The following ANKS3 variants were observed in gnomAD, a reference collection of about 807,000 sequenced individuals.
ANKS3 encodes the protein ankyrin repeat and SAM domain-containing protein 3.
In ANKS3, 62 loss-of-function variants were observed where a neutral mutation model predicts 80.7. That is an observed-to-expected ratio of 0.77 (90% CI 0.63 to 0.95). The LOEUF is 0.95. ANKS3 is among the 40% of genes least tolerant of loss of function. The pLI, the probability that ANKS3 is intolerant of heterozygous loss-of-function variation, is 0.00. For synonymous variants in ANKS3, 489 were observed against 355.3 expected (o/e 1.38, Z -4.23); for missense variants, 1,150 against 883.6 (o/e 1.30, Z -3.82).
chr16:4,714,674 T>C (rs774743741), intron 6 of ANKS3, among the ~76,000 whole-genome samples: 2 of 152,118 alleles, frequency 1.3e-5, no homozygotes, highest in Non-Finnish European at 2.9e-5. Flanking sequence ...TAACCCTAAA[T>C]ACAGAAAAGG....
intron 6 of ANKS3, among the ~76,000 whole-genome samples, chr16:4,715,760 C>T (rs972832712): frequency 1.3e-5 from 2 of 150,558 alleles, no homozygotes; most frequent in African/African-American, 4.9e-5. Context: ...TCCAATTTTC[C>T]AATCTTCTAT....
chr16:4,698,778 C>T, intron 13 of ANKS3, 22 bp downstream of exon 13: 2 of 1,585,628 alleles, frequency 1.3e-6, no homozygotes, highest in Non-Finnish European at 1.7e-6. Flanking sequence ...CCTGCCCCCC[C>T]ATCCCCCACC....
Position 4,698,575 on chromosome 16 carries a change from G to C in ANKS3, c.1576C>G (p.Arg526Gly). 1 of 1,576,956 alleles carries C rather than the reference G, an allele frequency of 6.3e-7. No individual in the cohort carries two copies. Among genetic ancestry groups the C allele is most frequent in the Non-Finnish European group, 8.6e-7 (1 of 1,168,992 alleles). ...HKRCEEVEAT[R>G]GQVCQEQELR... ...TCCTGCTCCTGACACACCTGGCCCC[G>C]CGTGGCCTCTACCTCCTCGCAGCGC... Residue 526 changes from arginine (R) to glycine (G), a missense_variant, in exon 14 of 18, where the codon CGG (arginine) becomes GGG (glycine). Physicochemically the swap from Arg to Gly is moderately radical, Grantham distance 125. Coordinates refer to ENST00000304283, the MANE Select transcript of ANKS3 (RefSeq NM_133450.4).
At chr16:4,722,430 A>C (rs2081150943) in intron 6 of ANKS3, among the ~76,000 whole-genome samples, 1 of 151,852 alleles carries the variant, frequency 6.6e-6, no homozygotes, top group Admixed American at 6.6e-5. Flanking sequence ...AATACAAAAA[A>C]TTAGCCGGGA....
intron 3 of ANKS3, among the ~76,000 whole-genome samples, chr16:4,728,275 G>A (rs1287283128): frequency 6.6e-6 from 1 of 152,118 alleles, no homozygotes; most frequent in Non-Finnish European, 1.5e-5. Context: ...TCGATCTCCT[G>A]ACCTCGTGAT....
chr16:4,710,450 G>A (rs565411558), intron 7 of ANKS3, among the ~76,000 whole-genome samples: 1 of 152,278 alleles, frequency 6.6e-6, no homozygotes, highest in African/African-American at 2.4e-5. Flanking sequence ...GCTCATGCCT[G>A]TAGTCCCAGC....
At chr16:4,726,610 C>A (rs749066132) in intron 5 of ANKS3, 49 bp downstream of exon 5, 37 of 1,587,568 alleles carry the variant, frequency 2.3e-5, no homozygotes, top group Non-Finnish European at 1.9e-5. Context: ...TCCTTAGAGT[C>A]AGATGACACC....
At position 4,698,594 on chromosome 16, in the gene ANKS3, G is replaced by A. The variant is rs749191888; in HGVS notation, c.1557C>T (p.Cys519=). ...QELAIQLHKR[C]EEVEATRGQV... Reference sequence around the variant, plus strand: ...GGCCCCGCGTGGCCTCTACCTCCTCGCAGCGCTGCAGGGGGGTGGGGGGCG... The same window carrying A: ...GGCCCCGCGTGGCCTCTACCTCCTCACAGCGCTGCAGGGGGGTGGGGGGCG... The change falls in exon 14 of 18, where the codon TGC becomes TGT. Residue 519 remains cysteine (C), a synonymous_variant. Coordinates refer to ENST00000304283, the MANE Select transcript of ANKS3 (RefSeq NM_133450.4). 25 of 1,559,028 alleles carry A rather than the reference G, an allele frequency of 1.6e-5. No homozygotes were observed. The highest frequency in any genetic ancestry group is 4.6e-4 in the Middle Eastern group (2 of 4,350).
chr16:4,698,269 T>C, intron 14 of ANKS3, 158 bp downstream of exon 14: 7 of 1,208,420 alleles, frequency 5.8e-6, no homozygotes, highest in Non-Finnish European at 7.8e-6. Flanking sequence ...TGGGTCTGCC[T>C]GCAGGAAGGA....
intron 11 of ANKS3, 173 bp from the exon 12 acceptor site, chr16:4,699,349 G>T: frequency 1.2e-6 from 1 of 859,168 alleles, no homozygotes; most frequent in Non-Finnish European, 1.8e-6. Context: ...GCAGGATGTT[G>T]CAGGCAGGTG....
Position 4,701,074 on chromosome 16 carries a change from T to G in ANKS3, c.1180A>C (p.Lys394Gln). The G allele has an allele frequency of 6.2e-7, 1 of 1,614,112 alleles. No individual in the cohort carries two copies. ...GGAGGCCACTGGCTGTCAGGATTCT[T>G]GGTCTTCATGTAACTTTTAGCTTGT... Reference protein sequence around the residue: ...RKQAKSYMKTKNPDSQWPPRA... With the variant: ...RKQAKSYMKTQNPDSQWPPRA... The change falls in exon 11 of 18, where the codon AAG (lysine) becomes CAG (glutamine). Residue 394 changes from lysine (K) to glutamine (Q), a missense_variant. Coordinates refer to ENST00000304283, the MANE Select transcript of ANKS3 (RefSeq NM_133450.4).
intron 2 of ANKS3, among the ~76,000 whole-genome samples, chr16:4,731,273 C>T (rs1476572154): frequency 6.6e-6 from 1 of 152,084 alleles, no homozygotes; most frequent in Non-Finnish European, 1.5e-5. Flanking sequence ...ATGAATTTTA[C>T]TGTATGTAAA....
chr16:4,715,699 A>T (rs1337872238), intron 6 of ANKS3, among the ~76,000 whole-genome samples: 1 of 152,178 alleles, frequency 6.6e-6, no homozygotes, highest in Admixed American at 6.5e-5. Context: ...AAGGTAACAT[A>T]CCCAAAATGT....
chr16:4,725,849 G>C (rs924429940), intron 5 of ANKS3, among the ~76,000 whole-genome samples: 6 of 151,482 alleles, frequency 4.0e-5, no homozygotes, highest in African/African-American at 1.5e-4. Context: ...TAGTAGAGAC[G>C]GGGTTTCACC....
chr16:4,720,443 CAG>C (rs1242206873), intron 6 of ANKS3, among the ~76,000 whole-genome samples: 1 of 148,552 alleles, frequency 6.7e-6, no homozygotes, highest in African/African-American at 2.5e-5. Context: ...GCCTGGGTGA[CAG>C]AGAGAGACTC....
At position 4,697,876 on chromosome 16, in the gene ANKS3, T is replaced by G. The variant is rs1180464660; in HGVS notation, c.1810+101A>C. On this transcript the variant is annotated intron_variant, in intron 15 of 17. Transcript: ENST00000304283. The stretch of plus-strand genomic sequence containing the variant: ...GCACACAGGGACCTGGGAGAGTGGC[T>G]GCCGGCCGGAGAACCAGGCCAAGCC... 1.2e-4 allele frequency: 138 copies of G among 1,131,868 alleles called. 1 individual carries two copies. The highest frequency in any genetic ancestry group is 2.3e-4 in the South Asian group (14 of 60,448). 70.1% of individuals were successfully genotyped at this position (1,131,868 alleles called of 1,614,324 possible).
rs774782712 is a variant in ANKS3 at position 4,727,024 on chromosome 16, C to G, written c.324G>C (p.Leu108=). The G allele has an allele frequency of 6.2e-7, 1 of 1,614,174 alleles. No homozygotes were observed. The highest frequency in any genetic ancestry group is 1.1e-5 in the South Asian group (1 of 91,080). Residue 108 remains leucine, a synonymous_variant, in exon 4 of 18, where the codon CTG becomes CTC. Transcript: ENST00000304283. ...TGCTCTCGTTGCCACAGCTGGAGGC[C>G]AGCATCAGTGGAGTCTGCCCTTCTG... The part of the protein sequence containing the change: ...PTPEGQTPLM[L]ASSCGNESIA...
Position 4,696,830 on chromosome 16 carries a change from C to T in ANKS3, c.*78G>A. On this transcript the variant is annotated 3_prime_UTR_variant, in exon 18 of 18. Coordinates refer to ENST00000304283, the MANE Select transcript of ANKS3 (RefSeq NM_133450.4). ...GGCCTGGGCTGCACATGGCAGCTACCTGCTCACTGTCCTCCTCACTCCCTG... is the reference window on the plus strand; with the variant it reads ...GGCCTGGGCTGCACATGGCAGCTACTTGCTCACTGTCCTCCTCACTCCCTG... 1 of 635,744 alleles carries T rather than the reference C, an allele frequency of 1.6e-6. No homozygotes were observed. The highest frequency in any genetic ancestry group is 2.8e-6 in the Non-Finnish European group (1 of 362,854). 39.4% of individuals were successfully genotyped at this position (635,744 alleles called of 1,614,324 possible).
rs767837140 is a variant in ANKS3, at chr16:4,697,118, A to G, written c.1895-14T>C. ...ACAGTGCTTGCCCTGAGGAATGATG[A>G]CCTTGAGCCTCTCCCGGCCAGGCTC... On this transcript the variant is annotated splice_polypyrimidine_tract_variant and intron_variant, in intron 16 of 17. Coordinates refer to ENST00000304283, the MANE Select transcript of ANKS3 (RefSeq NM_133450.4). The G allele has an allele frequency of 3.1e-6, 5 of 1,612,154 alleles. No homozygotes were observed. The highest frequency in any genetic ancestry group is 2.7e-5 in the African/African-American group (2 of 74,830).
Sources: allele counts gnomAD v4.1 joint callset (sites outside exome capture counted in the v4.1 genomes callset), GRCh38; gene constraint gnomAD v4.1.1; transcripts MANE v1.5; gene names NCBI Gene and HGNC (gene_info 2026-07-23, HGNC 2026-07-21).